CIT: variants seen among roughly 807,000 people sequenced by gnomAD.
The protein encoded by CIT is citron Rho-interacting kinase.
CIT carries 79 observed loss-of-function variants against 272.7 expected under a neutral mutation model. The ratio of observed to expected loss-of-function variants is 0.29; its 90% confidence interval spans 0.24 to 0.35. The LOEUF (loss-of-function observed/expected upper bound fraction) is 0.35, where lower values mean the gene tolerates loss of function less well. Among genes scored for constraint, CIT ranks in the 10% least tolerant of loss-of-function variants. The pLI, the probability that CIT is intolerant of heterozygous loss-of-function variation, is 1.00. For missense variants in CIT, 1,909 were observed against 2,618.3 expected (o/e 0.73, Z 5.91); for synonymous variants, 948 against 995.6 (o/e 0.95, Z 0.90).
At chr12:119,716,124 T>C (rs781602398) in intron 32 of CIT, among the ~76,000 whole-genome samples, 1 of 152,102 alleles carries the variant, frequency 6.6e-6, no homozygotes, top group Non-Finnish European at 1.5e-5. Flanking sequence ...AAACCTGTAA[T>C]GCCAGCACTC....
chr12:119,828,122 A>G (rs1968317243), intron 7 of CIT, among the ~76,000 whole-genome samples: 1 of 152,096 alleles, frequency 6.6e-6, no homozygotes, highest in Non-Finnish European at 1.5e-5. Context: ...TTCCCCAACT[A>G]ATTTTTGCCC....
intron 7 of CIT, 50 bp downstream of exon 7, chr12:119,832,721 G>A: frequency 6.8e-7 from 1 of 1,464,316 alleles, no homozygotes; most frequent in Non-Finnish European, 9.6e-7. Context: ...GGAGGACCAA[G>A]AATACTTTTT....
intron 4 of CIT, among the ~76,000 whole-genome samples, chr12:119,851,502 G>A (rs1343502306): frequency 6.6e-6 from 1 of 152,150 alleles, no homozygotes; most frequent in African/African-American, 2.4e-5. Context: ...AGTACCAAAA[G>A]AACCTGAACA....
chr12:119,833,266 T>C (rs982374247), intron 6 of CIT, among the ~76,000 whole-genome samples: 16 of 152,184 alleles, frequency 1.1e-4, no homozygotes, highest in Non-Finnish European at 2.2e-4. Context: ...TGAGACTCTA[T>C]CTCAAATTTT....
chr12:119,742,679 A>G (rs1959116172), intron 23 of CIT: 1 of 469,334 alleles, frequency 2.1e-6, no homozygotes, highest in Admixed American at 3.9e-5. Context: ...AATTCTTTAG[A>G]CCATACATGC....
rs140152070 is a variant in CIT at position 119,779,342 on chromosome 12, G to A, written c.1666-2500C>T. ...TATGGCTTTCATAACTGTGAGCACT[G>A]AGCCTGTCTTGCCTTCCTCCATAAA... On this transcript the variant is annotated intron_variant, in intron 13 of 47. Coordinates refer to ENST00000392521, the MANE Select transcript of CIT (RefSeq NM_001206999.2). 2.7e-3 allele frequency among the ~76,000 whole-genome samples: 416 copies of A among 152,206 alleles called. 3 individuals carry two copies. The highest frequency in any genetic ancestry group is 9.5e-3 in the African/African-American group (396 of 41,526).
At chr12:119,857,408 T>C (rs1950202014) in intron 4 of CIT, 115 bp downstream of exon 4, 11 of 1,027,120 alleles carry the variant, frequency 1.1e-5, no homozygotes, top group Admixed American at 2.4e-5. Context: ...TAATTAAATA[T>C]AGAGTCACAG....
At chr12:119,783,819 G>A (rs528777533) in intron 12 of CIT, 89 bp downstream of exon 12, 657 of 1,440,830 alleles carry the variant, frequency 4.6e-4, no homozygotes, top group Non-Finnish European at 5.8e-4. Flanking sequence ...TGGCTGTGAT[G>A]TGCCTCATGG....
chr12:119,853,646 A>C (rs1385685239), intron 4 of CIT, among the ~76,000 whole-genome samples: 5 of 152,212 alleles, frequency 3.3e-5, no homozygotes, highest in Non-Finnish European at 5.9e-5. Context: ...ACCTAAAATC[A>C]TGAGATTTAA....
intron 5 of CIT, among the ~76,000 whole-genome samples, chr12:119,847,868 G>A (rs1041202079): frequency 1.3e-5 from 2 of 152,144 alleles, no homozygotes; most frequent in Admixed American, 1.3e-4. Flanking sequence ...TCCAGCCTGG[G>A]TAACACTAGC....
rs1957258864 is a variant in CIT, at chr12:119,713,127, C to G, written c.4579+76G>C. ...AAGGCTTGCAAGGCAGTCCAAAAAA[C>G]AAAGCCTTCGCGCCAGCACTGGGGA... On this transcript the variant is annotated intron_variant, in intron 35 of 47. Coordinates refer to ENST00000392521, the MANE Select transcript of CIT (RefSeq NM_001206999.2). The surrounding 1 kb of genome is among the most constrained non-coding windows in gnomAD (Gnocchi z 5.2). 1 of 1,112,030 alleles carries G rather than the reference C, an allele frequency of 9.0e-7. No homozygotes were observed. 68.9% of individuals were successfully genotyped at this position (1,112,030 alleles called of 1,614,324 possible).
chr12:119,800,735 G>T (rs976408030), intron 10 of CIT, among the ~76,000 whole-genome samples: 1 of 152,216 alleles, frequency 6.6e-6, no homozygotes, highest in Non-Finnish European at 1.5e-5. Flanking sequence ...ACACAGGGTC[G>T]CTGGCAGCAA....
intron 3 of CIT, among the ~76,000 whole-genome samples, chr12:119,866,495 A>G (rs1293276832): frequency 1.3e-5 from 2 of 152,160 alleles, no homozygotes; most frequent in African/African-American, 4.8e-5. Flanking sequence ...TGGGCTTTGT[A>G]GGCCATTTGG....
chr12:119,786,057 T>A (rs1466682048), intron 10 of CIT, among the ~76,000 whole-genome samples: 3 of 152,200 alleles, frequency 2.0e-5, no homozygotes, highest in African/African-American at 7.2e-5. Context: ...GTTTTTGTTT[T>A]TTTTTCTTTT....
At position 119,694,962 on chromosome 12, in the gene CIT, T is replaced by A. The variant is rs572605288; in HGVS notation, c.5882+2697A>T. On this transcript the variant is annotated intron_variant, in intron 46 of 47. Transcript: ENST00000392521. This position sits in a 1 kb window ranked among gnomAD's most constrained non-coding sequence, Gnocchi z 4.5. ...AATCAACTTTTCAGAGCTCTAGAAA[T>A]TAACCCTAGCCCTTTGCGCGGCCAC... is the stretch of plus-strand genomic sequence containing the variant. Among the ~76,000 whole-genome samples, 15 of 152,266 alleles carry A rather than the reference T, an allele frequency of 9.9e-5. No individual in the cohort carries two copies. The highest frequency in any genetic ancestry group is 7.8e-4 in the Admixed American group (12 of 15,294).
chr12:119,847,856 A>G (rs1165764839), intron 5 of CIT, among the ~76,000 whole-genome samples: 4 of 152,168 alleles, frequency 2.6e-5, no homozygotes, highest in African/African-American at 9.6e-5. Flanking sequence ...GAGCCATTGC[A>G]CTCCAGCCTG....
In CIT at chr12:119,712,410, G is replaced by A. The variant is rs1008214513; in HGVS notation, c.4685-63C>T. The A allele has an allele frequency of 1.7e-5, 26 of 1,517,014 alleles. No individual in the cohort carries two copies. The highest frequency in any genetic ancestry group is 1.6e-4 in the East Asian group (7 of 44,142). 94.0% of individuals were successfully genotyped at this position (1,517,014 alleles called of 1,614,324 possible). On this transcript the variant is annotated intron_variant, in intron 36 of 47. Coordinates refer to ENST00000392521, the MANE Select transcript of CIT (RefSeq NM_001206999.2). This position sits in a 1 kb window ranked among gnomAD's most constrained non-coding sequence, Gnocchi z 5.2. ...TTCCCCCGTTCCCACTGGGAGGGAC[G>A]GGCCTGAGAGATCAAAGATGCCCAC...
chr12:119,792,363 A>C (rs1315072299), intron 10 of CIT, among the ~76,000 whole-genome samples: 4 of 152,180 alleles, frequency 2.6e-5, no homozygotes, highest in Non-Finnish European at 5.9e-5. Context: ...CTAAAAATAC[A>C]TGCAACTGCA....
chr12:119,730,671 C>G, intron 26 of CIT, 41 bp from the exon 27 acceptor site: 6 of 1,597,142 alleles, frequency 3.8e-6, no homozygotes, highest in Non-Finnish European at 5.1e-6. Flanking sequence ...AGCCCCCCAA[C>G]AGCTGACCTG....
Sources: allele counts gnomAD v4.1 joint callset (sites outside exome capture counted in the v4.1 genomes callset), GRCh38; gene constraint gnomAD v4.1.1; non-coding constraint Gnocchi (gnomAD v3.1); transcripts MANE v1.5; gene names NCBI Gene and HGNC (gene_info 2026-07-23, HGNC 2026-07-21).